Variants in PCNP observed in about 807,000 individuals in gnomAD.
PCNP encodes the protein PEST proteolytic signal-containing nuclear protein.
In PCNP, 6 loss-of-function variants were observed where a neutral mutation model predicts 21.8. The observed-to-expected ratio is 0.28, with a 90% CI of 0.15 to 0.54. PCNP has a LOEUF of 0.54. Ranked by LOEUF, PCNP falls within the 20% of genes least tolerant of loss-of-function variation. PCNP has a pLI of 0.95. For missense variants in PCNP, 161 were observed against 215.5 expected (o/e 0.75, Z 1.58); for synonymous variants, 67 against 73.2 (o/e 0.92, Z 0.43).
At chr3:101,575,545 C>T (rs1934832097) in intron 1 of PCNP, among the ~76,000 whole-genome samples, 1 of 149,144 alleles carries the variant, frequency 6.7e-6, no homozygotes, top group Admixed American at 6.7e-5. Flanking sequence ...CCATCTACTA[C>T]TTTCTCACTA....
intron 1 of PCNP, 120 bp from the exon 2 acceptor site, chr3:101,579,670 G>T (rs1375832051): frequency 2.6e-6 from 2 of 755,330 alleles, no homozygotes; most frequent in East Asian, 2.5e-5. Context: ...GAGACTGTTG[G>T]GTCAGTAGGT....
chr3:101,590,992 T>C (rs1935774580), intron 4 of PCNP, among the ~76,000 whole-genome samples: 1 of 152,152 alleles, frequency 6.6e-6, no homozygotes, highest in African/African-American at 2.4e-5. Context: ...TTGCCCAGGC[T>C]GGTCTCAAAC....
In PCNP at chr3:101,594,038, C is replaced by T. The variant is rs749039075; in HGVS notation, c.*1285C>T. The T allele has an allele frequency of 2.0e-5, 3 of 152,474 alleles. No individual in the cohort carries two copies. The highest frequency in any genetic ancestry group is 4.4e-5 in the Non-Finnish European group (3 of 68,020). The allele number at this position is 152,474 out of a possible 1,614,324, so 9.4% of individuals were successfully genotyped here. A position where few individuals can be genotyped will look rare whatever the true frequency, so the allele number is the denominator to read the frequency against. On this transcript the variant is annotated 3_prime_UTR_variant, in exon 5 of 5. Transcript: ENST00000265260. ...ATAAAAATTTCCTTGAAAACTCCTA[C>T]AATATTATATTTGGAGGCAGCTTCA...
At chr3:101,577,919 G>T (rs1935013676) in intron 1 of PCNP, among the ~76,000 whole-genome samples, 1 of 152,176 alleles carries the variant, frequency 6.6e-6, no homozygotes. Context: ...CTAGTACCAT[G>T]TGTATTTTGA....
rs369426382 is a variant in PCNP, at chr3:101,585,428, C to T, written c.280-9C>T. The T allele has an allele frequency of 1.3e-6, 2 of 1,532,226 alleles. No homozygotes were observed. The highest frequency in any genetic ancestry group is 2.3e-5 in the East Asian group (1 of 44,226). 94.9% of individuals were successfully genotyped at this position (1,532,226 alleles called of 1,614,324 possible). On this transcript the variant is annotated splice_polypyrimidine_tract_variant and intron_variant, in intron 2 of 4. Transcript: ENST00000265260. ...ACATGATATTCTTTTTAATATGTTT[C>T]TTCTTCAGAAGCCTAAAGAAACTGT... is the stretch of plus-strand genomic sequence containing the variant.
chr3:101,588,237 C>T (rs975694333), intron 3 of PCNP, among the ~76,000 whole-genome samples: 1 of 152,190 alleles, frequency 6.6e-6, no homozygotes, highest in Non-Finnish European at 1.5e-5. Flanking sequence ...CGCCACTGCA[C>T]TCCAGCCTGG....
At chr3:101,586,767 G>T (rs1935550285) in intron 3 of PCNP, among the ~76,000 whole-genome samples, 1 of 151,868 alleles carries the variant, frequency 6.6e-6, no homozygotes, top group Non-Finnish European at 1.5e-5. Flanking sequence ...TGCCCAGGCT[G>T]GTCTCAAACT....
chr3:101,576,579 C>T, intron 1 of PCNP: 4 of 1,611,054 alleles, frequency 2.5e-6, no homozygotes, highest in Non-Finnish European at 3.4e-6. Flanking sequence ...AGAAGTGACG[C>T]AGCCCTCTAT....
chr3:101,577,042 G>C (rs1000381104), intron 1 of PCNP: 55 of 748,890 alleles, frequency 7.3e-5, no homozygotes, highest in Non-Finnish European at 1.2e-4. Context: ...GGCTAGAATG[G>C]TCTCAATCTC....
chr3:101,579,633 T>C, intron 1 of PCNP, 157 bp from the exon 2 acceptor site: 1 of 719,958 alleles, frequency 1.4e-6, no homozygotes, highest in Non-Finnish European at 2.6e-6. Context: ...TCTCAGTTCC[T>C]GCTGTATACT....
chr3:101,580,719 T>C (rs1935180459), intron 2 of PCNP, among the ~76,000 whole-genome samples: 1 of 152,224 alleles, frequency 6.6e-6, no homozygotes, highest in Non-Finnish European at 1.5e-5. Context: ...TAATACTTAT[T>C]AACCATGGAA....
At chr3:101,577,077 G>A (rs535594255) in intron 1 of PCNP, 3 of 676,624 alleles carry the variant, frequency 4.4e-6, no homozygotes, top group Admixed American at 2.1e-5. Flanking sequence ...CGCCCGCCTC[G>A]GCCTCCCGAA....
At chr3:101,589,914 T>C in intron 3 of PCNP, 1 of 276,498 alleles carries the variant, frequency 3.6e-6, no homozygotes, top group South Asian at 5.4e-5. Flanking sequence ...TGTTAGGATT[T>C]TTAAGAGATA....
chr3:101,589,003 T>C (rs1279524511), intron 3 of PCNP, among the ~76,000 whole-genome samples: 1 of 152,232 alleles, frequency 6.6e-6, no homozygotes. Flanking sequence ...GTGAAAATAA[T>C]ATGATTGAGG....
intron 3 of PCNP, among the ~76,000 whole-genome samples, chr3:101,586,129 C>A (rs1002168879): frequency 2.1e-5 from 3 of 144,082 alleles, no homozygotes; most frequent in Non-Finnish European, 3.0e-5. Flanking sequence ...CAAGATCATG[C>A]CACTGCACTT....
At chr3:101,576,231 T>A (rs1934873500) in intron 1 of PCNP, among the ~76,000 whole-genome samples, 1 of 147,272 alleles carries the variant, frequency 6.8e-6, no homozygotes, top group Admixed American at 6.9e-5. Flanking sequence ...TTTTTTTTTT[T>A]ATGAATGGTT....
rs1307209293 is a variant in PCNP at position 101,590,282 on chromosome 3, T to C, written c.410+12T>C. On this transcript the variant is annotated intron_variant, in intron 4 of 4. Transcript: ENST00000265260. ...AAGAATATTGGAAGGTATTATAATT[T>C]TTCATAAATATTATAGAAAGATACA... 1.5e-6 allele frequency: 2 copies of C among 1,357,454 alleles called. No individual in the cohort carries two copies. Among genetic ancestry groups the C allele is most frequent in the Non-Finnish European group, 1.0e-6 (1 of 953,750 alleles). 84.1% of individuals were successfully genotyped at this position (1,357,454 alleles called of 1,614,324 possible).
chr3:101,576,394 C>G, intron 1 of PCNP: 3 of 1,016,454 alleles, frequency 3.0e-6, no homozygotes, highest in East Asian at 2.7e-5. Flanking sequence ...GCCACCACGC[C>G]CAGCTAATTT....
intron 4 of PCNP, 96 bp from the exon 5 acceptor site, chr3:101,592,531 A>G: frequency 1.1e-6 from 1 of 949,370 alleles, no homozygotes; most frequent in Non-Finnish European, 1.6e-6. Context: ...CTGTGTTTAT[A>G]ATAGGTGCTA....
Sources: gnomAD v4.1 joint callset for allele counts (sites outside exome capture counted in the v4.1 genomes callset) on GRCh38, gnomAD v4.1.1 for gene constraint, MANE v1.5 for transcripts, NCBI Gene and HGNC (gene_info 2026-07-23, HGNC 2026-07-21) for gene names.